Variants in FAM222A observed in about 807,000 individuals in gnomAD.
FAM222A encodes the protein family with sequence similarity 222 member A.
A neutral mutation model predicts 25.8 loss-of-function variants in FAM222A; 7 were observed. The observed-to-expected ratio is 0.27, with a 90% CI of 0.15 to 0.51. The LOEUF (loss-of-function observed/expected upper bound fraction) is 0.51, where lower values mean the gene tolerates loss of function less well. Among genes scored for constraint, FAM222A ranks in the 20% least tolerant of loss-of-function variants. FAM222A has a pLI of 0.97. For synonymous variants in FAM222A, 294 were observed against 298.8 expected, an observed-to-expected ratio of 0.98 and a Z score of 0.17; for missense variants, 573 against 640.5, an observed-to-expected ratio of 0.89 and a Z score of 1.14.
At chr12:109,723,934 G>GA (rs11458746) in intron 1 of FAM222A, among the ~76,000 whole-genome samples, 16,929 of 151,378 alleles carry the variant, frequency 0.11, 1,960 homozygotes, top group East Asian at 0.43. Flanking sequence ...ATGCAAAAGA[G>GA]AAAAAAAAAT....
intron 1 of FAM222A, chr12:109,720,182 G>C (rs1161203212): frequency 1.8e-5 from 18 of 985,376 alleles, no homozygotes; most frequent in Admixed American, 6.1e-5. Flanking sequence ...CGCAGCAGCT[G>C]TTTGGGGCCC....
At chr12:109,753,228 C>G (rs972763156) in intron 2 of FAM222A, among the ~76,000 whole-genome samples, 1 of 152,126 alleles carries the variant, frequency 6.6e-6, no homozygotes, top group Non-Finnish European at 1.5e-5. Context: ...GGAGCCAAGG[C>G]AGCTGTCCCA....
intron 2 of FAM222A, among the ~76,000 whole-genome samples, chr12:109,745,939 G>C (rs1447555472): frequency 6.7e-6 from 1 of 150,088 alleles, no homozygotes; most frequent in South Asian, 2.1e-4. Context: ...GGTGGTTTTT[G>C]TTCTTATTGA....
Position 109,744,828 on chromosome 12 carries a change from A to G in FAM222A, c.82+600A>G, listed in dbSNP as rs1888350298. On this transcript the variant is annotated intron_variant, in intron 2 of 2. Transcript: ENST00000538780. ...AAATATGGATTTCTACTATCTCTTG[A>G]AAAAAACAAAAACAGAGGCTCTGGT... is the stretch of plus-strand genomic sequence containing the variant. 3 of 958,672 alleles carry G rather than the reference A, an allele frequency of 3.1e-6. No homozygotes were observed. The African/African-American group carries it at 5.3e-5, about 17-fold the overall frequency. The allele number at this position is 958,672 out of a possible 1,614,324, so 59.4% of individuals were successfully genotyped here. A position where few individuals can be genotyped will look rare whatever the true frequency, so the allele number is the denominator to read the frequency against.
intron 1 of FAM222A, among the ~76,000 whole-genome samples, chr12:109,717,370 C>A (rs1887664398): frequency 6.6e-6 from 1 of 152,192 alleles, no homozygotes; most frequent in Admixed American, 6.5e-5. Flanking sequence ...GGTGAAGCTG[C>A]CCCTGGCCGC....
intron 1 of FAM222A, among the ~76,000 whole-genome samples, chr12:109,740,411 A>G (rs1888207736): frequency 6.6e-6 from 1 of 151,990 alleles, no homozygotes; most frequent in Non-Finnish European, 1.5e-5. Flanking sequence ...AAAGACCTTG[A>G]GCTTATAAAC....
At chr12:109,720,748 G>GCAAC (rs1887732054) in intron 1 of FAM222A, among the ~76,000 whole-genome samples, 2 of 152,264 alleles carry the variant, frequency 1.3e-5, no homozygotes, top group African/African-American at 4.8e-5. Flanking sequence ...GAAAGGTGGT[G>GCAAC]TGTACCTACC....
intron 1 of FAM222A, among the ~76,000 whole-genome samples, chr12:109,715,624 C>T (rs1336532199): frequency 6.6e-6 from 1 of 152,164 alleles, no homozygotes; most frequent in Admixed American, 6.5e-5. Context: ...TGACCTAAAT[C>T]CTTAGCGCCC....
chr12:109,767,835 A>T (rs1252500509), intron 2 of FAM222A, among the ~76,000 whole-genome samples, 177 bp from the exon 3 acceptor site: 2 of 152,204 alleles, frequency 1.3e-5, no homozygotes, highest in Admixed American at 6.5e-5. Context: ...AAGTCCATCA[A>T]GCTTATGATG....
intron 1 of FAM222A, among the ~76,000 whole-genome samples, chr12:109,741,144 G>A (rs1888230704): frequency 6.6e-6 from 1 of 152,150 alleles, no homozygotes; most frequent in African/African-American, 2.4e-5. Context: ...AGGAGTTGGA[G>A]GTGGTGGTCC....
chr12:109,730,104 C>T (rs757027086), intron 1 of FAM222A, among the ~76,000 whole-genome samples: 19 of 152,210 alleles, frequency 1.2e-4, no homozygotes, highest in Non-Finnish European at 1.5e-5. Flanking sequence ...ACCCCTGTGG[C>T]CTGCGTCCAC....
intron 1 of FAM222A, among the ~76,000 whole-genome samples, chr12:109,732,749 CACACAT>C (rs1304767220): frequency 6.6e-6 from 1 of 152,220 alleles, no homozygotes; most frequent in Admixed American, 6.5e-5. Flanking sequence ...TGTACACACA[CACACAT>C]ACATTCCACT....
intron 2 of FAM222A, among the ~76,000 whole-genome samples, chr12:109,765,573 G>A (rs931021924): frequency 5.3e-5 from 8 of 152,198 alleles, no homozygotes; most frequent in Admixed American, 1.3e-4. Flanking sequence ...TCTACCAGTG[G>A]CCCAGGACTT....
At chr12:109,727,358 T>C (rs992683980) in intron 1 of FAM222A, among the ~76,000 whole-genome samples, 5 of 152,150 alleles carry the variant, frequency 3.3e-5, no homozygotes, top group African/African-American at 4.8e-5. Flanking sequence ...CCCGTGTGAC[T>C]GTGGAGGCCT....
intron 1 of FAM222A, chr12:109,720,077 G>A (rs1887720179): frequency 8.1e-6 from 8 of 985,036 alleles, no homozygotes; most frequent in Middle Eastern, 5.2e-4. Flanking sequence ...CATAGTGCTT[G>A]CAGGGGGCTT....
At chr12:109,744,630 T>C in intron 2 of FAM222A, 1 of 985,382 alleles carries the variant, frequency 1.0e-6, no homozygotes. Flanking sequence ...AGCTGTGTGG[T>C]CTTGGGTGTT....
In FAM222A at chr12:109,756,392, C is replaced by CCT. The variant is rs1491314896; in HGVS notation, c.83-11620_83-11619insCT. Reference sequence around the variant, plus strand: ...GTTTTACTTCTTTCTAATATGAATGCTTTTTTTTTTTTTTTTTGTCTAATT... The same window carrying CCT: ...GTTTTACTTCTTTCTAATATGAATGCCTTTTTTTTTTTTTTTTTTGTCTAATT... On this transcript the variant is annotated intron_variant, in intron 2 of 2. Coordinates refer to ENST00000538780, the MANE Select transcript of FAM222A (RefSeq NM_032829.3). 4.8e-5 allele frequency among the ~76,000 whole-genome samples: 6 copies of CCT among 124,390 alleles called. No homozygotes were observed. The Admixed American group carries it at 4.9e-4, about 10-fold the overall frequency. 81.6% of individuals were successfully genotyped at this position (124,390 alleles called of 152,430 possible).
chr12:109,737,731 C>T (rs1219968878), intron 1 of FAM222A, among the ~76,000 whole-genome samples: 4 of 152,200 alleles, frequency 2.6e-5, no homozygotes, highest in East Asian at 3.8e-4. Context: ...GAAGAATCCC[C>T]GGCTTGAGAG....
At chr12:109,752,784 G>A (rs1252038841) in intron 2 of FAM222A, among the ~76,000 whole-genome samples, 2 of 152,188 alleles carry the variant, frequency 1.3e-5, no homozygotes, top group Non-Finnish European at 2.9e-5. Flanking sequence ...ACAGGGATCA[G>A]AGTAGCTTGT....
Sources: allele counts gnomAD v4.1 joint callset (sites outside exome capture counted in the v4.1 genomes callset), GRCh38; gene constraint gnomAD v4.1.1; transcripts MANE v1.5; gene names NCBI Gene and HGNC (gene_info 2026-07-23, HGNC 2026-07-21).